DGKD: variants seen among roughly 807,000 people sequenced by gnomAD.
The protein encoded by DGKD is diacylglycerol kinase delta, also known as DAG kinase delta.
Under a neutral mutation model 154.4 loss-of-function variants are expected in DGKD, and 68 were observed. That is an observed-to-expected ratio of 0.44 (90% CI 0.36 to 0.54). The LOEUF (loss-of-function observed/expected upper bound fraction) is 0.54. Ranked by LOEUF, DGKD falls within the 20% of genes least tolerant of loss-of-function variation. The pLI is 0.00. For synonymous variants in DGKD, 693 were observed against 638.0 expected (o/e 1.09, Z -1.30); for missense variants, 1,343 against 1,593.6 (o/e 0.84, Z 2.68).
Position 233,360,273 on chromosome 2 carries a change from C to CT in DGKD, c.156+5606dup, listed in dbSNP as rs1298757439. Reference sequence around the variant, plus strand: ...AAATATCTTTAAAAAAATTTTTTTTCTTTTTTTCTGAGACAGGGTCTTGCT... The same window carrying CT: ...AAATATCTTTAAAAAAATTTTTTTTCTTTTTTTTCTGAGACAGGGTCTTGCT... On this transcript the variant is annotated intron_variant, in intron 1 of 29. Coordinates refer to ENST00000264057, the MANE Select transcript of DGKD (RefSeq NM_152879.3). Among the ~76,000 whole-genome samples, 5 of 151,554 alleles carry CT rather than the reference C, an allele frequency of 3.3e-5. No homozygotes were observed. In the South Asian group the frequency reaches 6.3e-4, roughly 19 times the overall value.
rs115773423 is a variant in DGKD, at chr2:233,436,174, C to G, written c.694-142C>G. 9,339 of 1,392,654 alleles carry G rather than the reference C, an allele frequency of 6.7e-3. 55 individuals are homozygous for G. The highest frequency in any genetic ancestry group is 7.5e-3 in the Non-Finnish European group (7,581 of 1,014,690). The allele number at this position is 1,392,654 out of a possible 1,614,324, so 86.3% of individuals were successfully genotyped here. ...GGTAGATGGTACTTCACAGGCCCTGCCATCCCTTCCCTCACTGGCCATCAG... is the reference window on the plus strand; with the variant it reads ...GGTAGATGGTACTTCACAGGCCCTGGCATCCCTTCCCTCACTGGCCATCAG... On this transcript the variant is annotated intron_variant, in intron 6 of 29. Transcript: ENST00000264057.
chr2:233,468,781 T>A (rs2063910431), intron 29 of DGKD, among the ~76,000 whole-genome samples: 1 of 152,198 alleles, frequency 6.6e-6, no homozygotes, highest in South Asian at 2.1e-4. Context: ...GAGCCTTGGT[T>A]ATCTTAGGCT....
chr2:233,404,110 A>G (rs772053418), intron 3 of DGKD, among the ~76,000 whole-genome samples: 6 of 152,032 alleles, frequency 3.9e-5, no homozygotes, highest in Non-Finnish European at 5.9e-5. Context: ...ATATACATGT[A>G]TAATTTACAT....
Position 233,459,754 on chromosome 2 carries a change from C to G in DGKD, c.2695-3C>G. On this transcript the variant is annotated splice_region_variant and splice_polypyrimidine_tract_variant and intron_variant, in intron 22 of 29. Transcript: ENST00000264057. This position sits in a 1 kb window ranked among gnomAD's most constrained non-coding sequence, Gnocchi z 5.7. The stretch of plus-strand genomic sequence containing the variant: ...ATGAGTAATGGCTATGATGTCTGCT[C>G]AGTGTCGCACGGTGAAGATCTCCAT... 6.2e-7 allele frequency: 1 copy of G among 1,613,272 alleles called. No homozygotes were observed. Among genetic ancestry groups the G allele is most frequent in the Non-Finnish European group, 8.5e-7 (1 of 1,179,662 alleles).
rs62195074 is a variant in DGKD, at chr2:233,361,690, A to G, written c.156+7016A>G. On this transcript the variant is annotated intron_variant, in intron 1 of 29. Transcript: ENST00000264057. ...CACACTGGCCAGATGGCTCACGCCT[A>G]TAATCTCAGCACTTTTGGACTGAGG... Among the ~76,000 whole-genome samples, 1,380 of 152,358 alleles carry G rather than the reference A, an allele frequency of 9.1e-3. 11 individuals are homozygous for G. The highest frequency in any genetic ancestry group is 0.015 in the Non-Finnish European group (1,021 of 68,028).
intron 7 of DGKD, 152 bp downstream of exon 7, chr2:233,436,593 A>G (rs1273327015): frequency 8.8e-7 from 1 of 1,140,986 alleles, no homozygotes; most frequent in South Asian, 1.6e-5. Flanking sequence ...CTGTTGGGTC[A>G]TTCTCCTTCT....
chr2:233,467,016 T>C, intron 27 of DGKD, 70 bp from the exon 28 acceptor site: 2 of 1,269,162 alleles, frequency 1.6e-6, no homozygotes, highest in South Asian at 2.4e-5. Flanking sequence ...CCAGCCTCTC[T>C]GGTGGAGATG....
Position 233,437,409 on chromosome 2 carries a change from C to T in DGKD, c.852C>T (p.Thr284=), listed in dbSNP as rs1182572221. The T allele has an allele frequency of 1.2e-6, 2 of 1,614,104 alleles. No homozygotes were observed. The highest frequency in any genetic ancestry group is 2.2e-5 in the East Asian group (1 of 44,898). The change falls in exon 8 of 30, where the codon ACC becomes ACT. Residue 284 remains threonine (T), a synonymous_variant. Coordinates refer to ENST00000264057, the MANE Select transcript of DGKD (RefSeq NM_152879.3). ...CATCGTGTAAAGAATCCTTGCTGAC[C>T]AAGTGCCCACTTGGCCTGTGCAAAG... ...VHTSCKESLL[T]KCPLGLCKVS... is the part of the protein sequence containing the mutation.
chr2:233,373,555 G>C (rs937761943), intron 1 of DGKD, among the ~76,000 whole-genome samples: 1 of 152,180 alleles, frequency 6.6e-6, no homozygotes, highest in African/African-American at 2.4e-5. Flanking sequence ...TCCTAAAACA[G>C]CTGAAACGAT....
intron 8 of DGKD, among the ~76,000 whole-genome samples, chr2:233,437,794 A>C (rs1337357920): frequency 6.6e-6 from 1 of 152,068 alleles, no homozygotes; most frequent in East Asian, 1.9e-4. Context: ...GTTGAGTGCA[A>C]CCCAGGTCTG....
rs914142428 is a variant in DGKD at position 233,449,467 on chromosome 2, A to G, written c.1888+91A>G. The G allele has an allele frequency of 2.7e-6, 4 of 1,471,350 alleles. No individual in the cohort carries two copies. Among genetic ancestry groups the G allele is most frequent in the Non-Finnish European group, 3.6e-6 (4 of 1,107,490 alleles). The allele number at this position is 1,471,350 out of a possible 1,614,324, so 91.1% of individuals were successfully genotyped here. ...GAACACGGAGATGACAGAAGGGTGCATGTTGAGAAAACCTCCACTGCGGCC... is the reference window on the plus strand; with the variant it reads ...GAACACGGAGATGACAGAAGGGTGCGTGTTGAGAAAACCTCCACTGCGGCC... On this transcript the variant is annotated intron_variant, in intron 15 of 29. Coordinates refer to ENST00000264057, the MANE Select transcript of DGKD (RefSeq NM_152879.3). This position sits in a 1 kb window ranked among gnomAD's most constrained non-coding sequence, Gnocchi z 5.3.
At position 233,459,962 on chromosome 2, in the gene DGKD, A is replaced by C; in HGVS notation, c.2829+71A>C. ...CTGTGGGCTCTTGTGTGCACTGTTA[A>C]GAGCTGGAGCTTTTTGTGTTTTGTT... is the stretch of plus-strand genomic sequence containing the variant. On this transcript the variant is annotated intron_variant, in intron 23 of 29. Coordinates refer to ENST00000264057, the MANE Select transcript of DGKD (RefSeq NM_152879.3). This position sits in a 1 kb window ranked among gnomAD's most constrained non-coding sequence, Gnocchi z 5.7. The C allele has an allele frequency of 6.5e-7, 1 of 1,530,846 alleles. No homozygotes were observed. The highest frequency in any genetic ancestry group is 8.7e-7 in the Non-Finnish European group (1 of 1,143,262). The allele number at this position is 1,530,846 out of a possible 1,614,324, so 94.8% of individuals were successfully genotyped here.
rs531622899 is a variant in DGKD, at chr2:233,422,116, G to A, written c.349-12264G>A. Among the ~76,000 whole-genome samples the A allele has an allele frequency of 2.6e-5, 4 of 152,324 alleles. No individual in the cohort carries two copies. In the South Asian group the frequency reaches 6.2e-4, roughly 24 times the overall value. On this transcript the variant is annotated intron_variant, in intron 3 of 29. Coordinates refer to ENST00000264057, the MANE Select transcript of DGKD (RefSeq NM_152879.3). Reference sequence around the variant, plus strand: ...GGCTGCAGAGGCAGCTTCTTTTGGGGCCTTGTCTTGGCACCATCTCGGCCA... The same window carrying A: ...GGCTGCAGAGGCAGCTTCTTTTGGGACCTTGTCTTGGCACCATCTCGGCCA...
At chr2:233,456,632 G>GT (rs1479722710) in intron 19 of DGKD, among the ~76,000 whole-genome samples, 1 of 152,106 alleles carries the variant, frequency 6.6e-6, no homozygotes, top group African/African-American at 2.4e-5. Flanking sequence ...GTTCTATAAT[G>GT]TTTTAACTTT....
intron 3 of DGKD, among the ~76,000 whole-genome samples, chr2:233,415,586 G>A (rs838736): frequency 0.6 from 91,924 of 152,098 alleles, 28,409 homozygotes; most frequent in African/African-American, 0.74. Context: ...GGAAATAGGC[G>A]TAGATTAAGG....
chr2:233,398,367 G>A (rs566845231), intron 3 of DGKD, among the ~76,000 whole-genome samples: 109 of 151,904 alleles, frequency 7.2e-4, no homozygotes, highest in Middle Eastern at 3.4e-3. Flanking sequence ...GGATGGTCTC[G>A]ATCTCCTGAC....
At chr2:233,364,596 G>A (rs838705) in intron 1 of DGKD, among the ~76,000 whole-genome samples, 94,466 of 152,052 alleles carry the variant, frequency 0.62, 29,558 homozygotes, top group South Asian at 0.76. Flanking sequence ...TGCATGTTGT[G>A]TGTAATCTGT....
intron 1 of DGKD, among the ~76,000 whole-genome samples, chr2:233,359,738 T>G (rs185768458): frequency 2.0e-5 from 3 of 152,252 alleles, no homozygotes; most frequent in Non-Finnish European, 4.4e-5. Context: ...ATTTGAGATC[T>G]TAACATTGTT....
chr2:233,419,503 G>A lies in DGKD; in HGVS notation c.349-14877G>A, dbSNP rs73995947. Reference sequence around the variant, plus strand: ...TCAAGGTCAGGGTTTGGAATTAAGCGGAAGGAATTGAGCTTCCTTGTAAGA... The same window carrying A: ...TCAAGGTCAGGGTTTGGAATTAAGCAGAAGGAATTGAGCTTCCTTGTAAGA... On this transcript the variant is annotated intron_variant, in intron 3 of 29. Coordinates refer to ENST00000264057, the MANE Select transcript of DGKD (RefSeq NM_152879.3). 6,760 of 936,940 alleles carry A rather than the reference G, an allele frequency of 7.2e-3. 331 individuals are homozygous for A. The African/African-American group carries it at 0.11, about 15-fold the overall frequency. The allele number at this position is 936,940 out of a possible 1,614,324, so 58.0% of individuals were successfully genotyped here.
Sources: allele counts gnomAD v4.1 joint callset (sites outside exome capture counted in the v4.1 genomes callset), GRCh38; gene constraint gnomAD v4.1.1; non-coding constraint Gnocchi (gnomAD v3.1); transcripts MANE v1.5; gene names NCBI Gene and HGNC (gene_info 2026-07-23, HGNC 2026-07-21).